YAF2: variants seen among roughly 807,000 people sequenced by gnomAD.
The protein encoded by YAF2 is YY1-associated factor 2.
A neutral mutation model predicts 20.1 loss-of-function variants in YAF2; 7 were observed. That is an observed-to-expected ratio of 0.35 (90% confidence interval 0.20 to 0.65). The LOEUF (loss-of-function observed/expected upper bound fraction) is 0.65, where lower values mean the gene tolerates loss of function less well. Ranked by LOEUF, YAF2 falls within the 30% of genes least tolerant of loss-of-function variation. The pLI is 0.69. For missense variants in YAF2, 151 were observed against 219.2 expected (o/e 0.69, Z 1.96); for synonymous variants, 74 against 76.0 (o/e 0.97, Z 0.14).
At chr12:42,235,987 C>T (rs1287811279) in intron 2 of YAF2, 2 of 1,536,100 alleles carry the variant, frequency 1.3e-6, no homozygotes, top group East Asian at 2.4e-5. Flanking sequence ...TTCCCCCCTT[C>T]CTTGCTGTCC....
At chr12:42,161,299 G>A (rs533179540) in intron 3 of YAF2, 44 of 261,138 alleles carry the variant, frequency 1.7e-4, no homozygotes, top group Admixed American at 2.6e-4. Context: ...TTATCTGTTC[G>A]GTATGTTGAA....
In YAF2 at chr12:42,160,493, T is replaced by C. The variant is rs1280123733; in HGVS notation, c.*96A>G. 6.6e-6 allele frequency: 6 copies of C among 911,228 alleles called. No homozygotes were observed. The East Asian group carries it at 7.3e-5, about 11-fold the overall frequency. 56.4% of individuals were successfully genotyped at this position (911,228 alleles called of 1,614,324 possible). A position where few individuals can be genotyped will look rare whatever the true frequency, so the allele number is the denominator to read the frequency against. On this transcript the variant is annotated 3_prime_UTR_variant, in exon 4 of 4. Coordinates refer to ENST00000534854, the MANE Select transcript of YAF2 (RefSeq NM_005748.6). ...TAAAACTCAAATTATGGATTGTGCA[T>C]GAATGTATCTGTCATGAAAATGTGG...
Position 42,160,741 on chromosome 12 carries a change from T to G in YAF2, c.391A>C (p.Lys131Gln), listed in dbSNP as rs1565592160. The change falls in exon 4 of 4, where the codon AAG (lysine) becomes CAG (glutamine). Residue 131 changes from lysine (K) to glutamine (Q), a missense_variant. By Grantham distance (53) the Lys-to-Gln change is moderately conservative. Around this residue, in one of 3 missense-constraint regions of YAF2, gnomAD observed 50 missense variants for 112.0 expected, o/e 0.45. Coordinates refer to ENST00000534854, the MANE Select transcript of YAF2 (RefSeq NM_005748.6). ...GDLTVIITDF[K>Q]EKTKSPPASS... ...GCAGGCGGTGACTTTGTTTTCTCCTTAAAGTCTGTAATAATGACTGTCAGA... is the reference window on the plus strand; with the variant it reads ...GCAGGCGGTGACTTTGTTTTCTCCTGAAAGTCTGTAATAATGACTGTCAGA... The G allele has an allele frequency of 4.3e-6, 7 of 1,613,680 alleles. No homozygotes were observed. The highest frequency in any genetic ancestry group is 5.9e-6 in the Non-Finnish European group (7 of 1,179,814).
rs2065751525 is a variant in YAF2, at chr12:42,159,082, T to C, written c.*1507A>G. 2 of 152,266 alleles carry C rather than the reference T, an allele frequency of 1.3e-5. No individual in the cohort carries two copies. The highest frequency in any genetic ancestry group is 4.1e-4 in the South Asian group (2 of 4,824). 9.4% of individuals were successfully genotyped at this position (152,266 alleles called of 1,614,324 possible). A position where few individuals can be genotyped will look rare whatever the true frequency, so the allele number is the denominator to read the frequency against. On this transcript the variant is annotated 3_prime_UTR_variant, in exon 4 of 4. Transcript: ENST00000534854. ...ACAGACTTTTACTGTATGCAATTAA[T>C]TGTATTTCACAACTAGCATCTTACA...
At chr12:42,232,450 T>C in intron 2 of YAF2, 1 of 985,410 alleles carries the variant, frequency 1.0e-6, no homozygotes, top group Non-Finnish European at 1.2e-6. Flanking sequence ...TAATAATCAC[T>C]TGTAAAATTT....
intron 2 of YAF2, chr12:42,233,407 G>A (rs2068040782): frequency 1.0e-6 from 1 of 983,530 alleles, no homozygotes; most frequent in Non-Finnish European, 1.2e-6. Context: ...TCCACTACTA[G>A]ATGAAGTACC....
intron 2 of YAF2, among the ~76,000 whole-genome samples, chr12:42,220,043 G>A (rs1003988462): frequency 6.6e-6 from 1 of 152,162 alleles, no homozygotes; most frequent in African/African-American, 2.4e-5. Context: ...GGACTTCTCA[G>A]AGACTAACTT....
In YAF2 at chr12:42,233,050, G is replaced by A. The variant is rs138501470; in HGVS notation, c.152+4549C>T. ...CATTTTGCTCACCACTGTATGTCTA[G>A]TATCCAACTCAGCCCTTAAATAAGA... On this transcript the variant is annotated intron_variant, in intron 2 of 3. Transcript: ENST00000534854. 140 of 985,286 alleles carry A rather than the reference G, an allele frequency of 1.4e-4. No homozygotes were observed. The African/African-American group carries it at 2.3e-3, about 16-fold the overall frequency. The allele number at this position is 985,286 out of a possible 1,614,324, so 61.0% of individuals were successfully genotyped here.
intron 2 of YAF2, among the ~76,000 whole-genome samples, chr12:42,196,766 T>C (rs1489042499): frequency 6.6e-6 from 1 of 152,226 alleles, no homozygotes; most frequent in East Asian, 1.9e-4. Context: ...CTCTTGATTT[T>C]TTAATGATAG....
chr12:42,231,774 C>T (rs1242666228), intron 2 of YAF2: 1 of 152,210 alleles, frequency 6.6e-6, no homozygotes, highest in African/African-American at 2.4e-5. Flanking sequence ...TACACAGAAA[C>T]TCTAAAGCTC....
Position 42,159,607 on chromosome 12 carries a change from G to A in YAF2, c.*982C>T, listed in dbSNP as rs1404777115. On this transcript the variant is annotated 3_prime_UTR_variant, in exon 4 of 4. Transcript: ENST00000534854. ...TATTTAATAAGAAGCCAATTTGACT[G>A]ATTTAAAATTAGTTATTTCCCATTT... is the stretch of plus-strand genomic sequence containing the variant. 1 of 151,996 alleles carries A rather than the reference G, an allele frequency of 6.6e-6. No individual in the cohort carries two copies. Among genetic ancestry groups the A allele is most frequent in the Non-Finnish European group, 1.5e-5 (1 of 67,946 alleles). The allele number at this position is 151,996 out of a possible 1,614,324, so 9.4% of individuals were successfully genotyped here.
chr12:42,211,427 CAAAAAAAAA>C lies in YAF2; in HGVS notation c.152+26163_152+26171del, dbSNP rs34683165. Among the ~76,000 whole-genome samples the C allele has an allele frequency of 5.6e-4, 29 of 51,646 alleles. No individual in the cohort carries two copies. In the South Asian group the frequency reaches 0.022, roughly 40 times the overall value. 33.9% of individuals were successfully genotyped at this position (51,646 alleles called of 152,430 possible). On this transcript the variant is annotated intron_variant, in intron 2 of 3. Transcript: ENST00000534854. Reference sequence around the variant, plus strand: ...GGATGACAGAGCGAGACTCTGTCTCCAAAAAAAAAAAAAAAAAAAAAAAAGTCATCCAGG... The same window carrying C: ...GGATGACAGAGCGAGACTCTGTCTCCAAAAAAAAAAAAAAAGTCATCCAGG...
intron 2 of YAF2, among the ~76,000 whole-genome samples, chr12:42,184,941 C>T (rs2066433382): frequency 6.6e-6 from 1 of 152,148 alleles, no homozygotes; most frequent in African/African-American, 2.4e-5. Context: ...TTTGGGAGGC[C>T]GAGGAGGGCA....
chr12:42,164,427 C>T (rs1029928013), intron 2 of YAF2, among the ~76,000 whole-genome samples: 6 of 152,038 alleles, frequency 3.9e-5, no homozygotes, highest in African/African-American at 1.4e-4. Flanking sequence ...TGCCTTCCAC[C>T]CCCACTGACA....
intron 2 of YAF2, among the ~76,000 whole-genome samples, chr12:42,211,823 C>T (rs904329782): frequency 3.3e-5 from 5 of 150,560 alleles, no homozygotes; most frequent in African/African-American, 1.2e-4. Context: ...CCGAGGTGGG[C>T]GGATTAGCTG....
chr12:42,182,892 A>T (rs1026440178), intron 2 of YAF2, among the ~76,000 whole-genome samples: 2 of 152,206 alleles, frequency 1.3e-5, no homozygotes, highest in Admixed American at 1.3e-4. Flanking sequence ...ACAAGAGCAC[A>T]TCTCATTTTA....
chr12:42,224,083 T>C (rs1393257424), intron 2 of YAF2, among the ~76,000 whole-genome samples: 1 of 152,116 alleles, frequency 6.6e-6, no homozygotes, highest in African/African-American at 2.4e-5. Context: ...CAATAACTGA[T>C]TTCATATAAG....
At chr12:42,232,040 A>G (rs2067998032) in intron 2 of YAF2, 1 of 152,194 alleles carries the variant, frequency 6.6e-6, no homozygotes, top group Non-Finnish European at 1.5e-5. Context: ...TAACCACTGT[A>G]CTTTGGTATA....
intron 2 of YAF2, among the ~76,000 whole-genome samples, chr12:42,198,088 T>C (rs910588290): frequency 7.9e-5 from 12 of 151,962 alleles, no homozygotes; most frequent in Non-Finnish European, 5.9e-5. Context: ...CCAATCCCCA[T>C]AGAGTGAAAT....
Sources: allele counts gnomAD v4.1 joint callset (sites outside exome capture counted in the v4.1 genomes callset), GRCh38; gene constraint gnomAD v4.1.1; regional missense constraint gnomAD v4.1.1; transcripts MANE v1.5; gene names NCBI Gene and HGNC (gene_info 2026-07-23, HGNC 2026-07-21).